The following TGFA variants were observed in gnomAD, a reference collection of about 807,000 sequenced individuals.
TGFA encodes transforming growth factor alpha, also known as protransforming growth factor alpha.
TGFA carries 12 observed loss-of-function variants against 21.7 expected under a neutral mutation model. That is an observed-to-expected ratio of 0.55 (90% CI 0.35 to 0.90). TGFA has a LOEUF of 0.90. Among genes scored for constraint, TGFA ranks in the 40% least tolerant of loss-of-function variants. TGFA has a pLI of 0.01. For synonymous variants in TGFA, 79 were observed against 88.1 expected (o/e 0.90, Z 0.58); for missense variants, 178 against 210.8 (o/e 0.84, Z 0.96).
chr2:70,536,934 T>C (rs893992687), intron 1 of TGFA, among the ~76,000 whole-genome samples: 1 of 152,164 alleles, frequency 6.6e-6, no homozygotes, highest in Admixed American at 6.5e-5. Context: ...GATAGAACTT[T>C]GCTTTATTGT....
intron 2 of TGFA, among the ~76,000 whole-genome samples, chr2:70,502,574 C>A (rs1300860635): frequency 1.3e-5 from 2 of 152,134 alleles, no homozygotes; most frequent in East Asian, 3.9e-4. Context: ...GCTACCTTGG[C>A]CTCCCAAAGT....
chr2:70,454,352 G>C (rs1188892653), intron 4 of TGFA, among the ~76,000 whole-genome samples: 1 of 152,252 alleles, frequency 6.6e-6, no homozygotes, highest in Non-Finnish European at 1.5e-5. Flanking sequence ...GGACAGCAGG[G>C]CTAAGGAGGA....
At chr2:70,485,602 T>C (rs1174357062) in intron 2 of TGFA, among the ~76,000 whole-genome samples, 1 of 152,110 alleles carries the variant, frequency 6.6e-6, no homozygotes, top group Admixed American at 6.5e-5. Context: ...ACTGCTTAGT[T>C]TTCAAACCAT....
At chr2:70,500,458 T>TA (rs1671704978) in intron 2 of TGFA, among the ~76,000 whole-genome samples, 4 of 132,218 alleles carry the variant, frequency 3.0e-5, no homozygotes, top group African/African-American at 1.4e-4. Flanking sequence ...TAAGCAGAGT[T>TA]TAAAAAAAAA....
In TGFA at chr2:70,498,874, CT is replaced by C. The variant is rs1407852311; in HGVS notation, c.94+15984del. On this transcript the variant is annotated intron_variant, in intron 2 of 5. Transcript: ENST00000295400. The stretch of plus-strand genomic sequence containing the variant: ...AGTCAGGATTCAAGAGTCCTTCCCT[CT>C]TTTTCCCCTACACTTGTGGTTTTCA... Among the ~76,000 whole-genome samples, 10 of 152,268 alleles carry C rather than the reference CT, an allele frequency of 6.6e-5. No individual in the cohort carries two copies. In the South Asian group the frequency reaches 1.7e-3, roughly 25 times the overall value.
chr2:70,533,787 G>A (rs1672891578), intron 1 of TGFA, among the ~76,000 whole-genome samples: 1 of 152,100 alleles, frequency 6.6e-6, no homozygotes. Flanking sequence ...GAATGATTTG[G>A]AATTACAAGC....
At chr2:70,529,039 C>A (rs1347490822) in intron 1 of TGFA, among the ~76,000 whole-genome samples, 1 of 152,236 alleles carries the variant, frequency 6.6e-6, no homozygotes, top group Non-Finnish European at 1.5e-5. Context: ...CCATCCCTGG[C>A]TTTATCTTTG....
intron 2 of TGFA, among the ~76,000 whole-genome samples, chr2:70,470,579 C>T (rs1459170257): frequency 3.9e-5 from 6 of 152,136 alleles, no homozygotes; most frequent in Non-Finnish European, 5.9e-5. Flanking sequence ...AGCATCTGCC[C>T]GTGTAAACCA....
intron 1 of TGFA, among the ~76,000 whole-genome samples, chr2:70,548,811 T>TA (rs1673395154): frequency 2.0e-5 from 3 of 152,262 alleles, no homozygotes; most frequent in Non-Finnish European, 4.4e-5. Context: ...ACCCAGTTTT[T>TA]ACCTAGATTT....
At chr2:70,511,189 T>C (rs1672087922) in intron 2 of TGFA, among the ~76,000 whole-genome samples, 1 of 152,228 alleles carries the variant, frequency 6.6e-6, no homozygotes, top group African/African-American at 2.4e-5. Flanking sequence ...TTGCATCCGT[T>C]ATTATTTCTC....
intron 5 of TGFA, 69 bp from the exon 6 acceptor site, chr2:70,450,935 G>GGAAA: frequency 6.4e-7 from 1 of 1,565,876 alleles, no homozygotes; most frequent in African/African-American, 1.3e-5. Flanking sequence ...AATAAGCTTA[G>GGAAA]GAAAGAGACT....
At position 70,522,594 on chromosome 2, in the gene TGFA, C is replaced by T. The variant is rs115905070; in HGVS notation, c.41-7682G>A. ...GGATACAGGTGTGTGTCATCACACC[C>T]GGCTAATTTTTTATATTTTTGGTAC... On this transcript the variant is annotated intron_variant, in intron 1 of 5. Transcript: ENST00000295400. Among the ~76,000 whole-genome samples, 1,470 of 152,138 alleles carry T rather than the reference C, an allele frequency of 9.7e-3. 12 individuals are homozygous for T. Among genetic ancestry groups the T allele is most frequent in the Middle Eastern group, 0.027 (8 of 294 alleles).
At chr2:70,468,855 A>G (rs1206331096) in intron 2 of TGFA, among the ~76,000 whole-genome samples, 2 of 152,190 alleles carry the variant, frequency 1.3e-5, no homozygotes, top group African/African-American at 4.8e-5. Flanking sequence ...TAAATATTAC[A>G]ATGTAATAAT....
chr2:70,553,051 A>T, intron 1 of TGFA: 2 of 963,272 alleles, frequency 2.1e-6, no homozygotes, highest in Non-Finnish European at 1.5e-6. Context: ...CTTCATTTCC[A>T]AGGACATACT....
At chr2:70,466,328 G>A (rs1553492228) in intron 2 of TGFA, among the ~76,000 whole-genome samples, 1 of 152,186 alleles carries the variant, frequency 6.6e-6, no homozygotes, top group Non-Finnish European at 1.5e-5. Flanking sequence ...CTAACACGGT[G>A]ACACCCGTCT....
chr2:70,479,365 C>T (rs1310214053), intron 2 of TGFA, among the ~76,000 whole-genome samples: 4 of 152,204 alleles, frequency 2.6e-5, no homozygotes, highest in African/African-American at 9.7e-5. Flanking sequence ...GGCCTCCCAC[C>T]ACTGACTTCT....
intron 1 of TGFA, among the ~76,000 whole-genome samples, chr2:70,534,089 G>T (rs535059108): frequency 6.6e-6 from 1 of 152,254 alleles, no homozygotes; most frequent in South Asian, 2.1e-4. Flanking sequence ...TCCACTATTC[G>T]GAGGTACAAA....
intron 1 of TGFA, among the ~76,000 whole-genome samples, chr2:70,548,670 G>A (rs1673391276): frequency 6.6e-6 from 1 of 152,196 alleles, no homozygotes; most frequent in African/African-American, 2.4e-5. Context: ...CTGACTTAGA[G>A]CACTAGCAAA....
chr2:70,484,550 A>G (rs1435530340), intron 2 of TGFA, among the ~76,000 whole-genome samples: 2 of 152,136 alleles, frequency 1.3e-5, no homozygotes, highest in African/African-American at 2.4e-5. Context: ...TTAGGGAATT[A>G]CCTCTTCCCC....
Sources: allele counts gnomAD v4.1 joint callset (sites outside exome capture counted in the v4.1 genomes callset), GRCh38; gene constraint gnomAD v4.1.1; transcripts MANE v1.5; gene names NCBI Gene and HGNC (gene_info 2026-07-23, HGNC 2026-07-21).